Variants in MARCHF1 observed in about 807,000 individuals in gnomAD.
MARCHF1 encodes membrane associated ring-CH-type finger 1, also known as E3 ubiquitin-protein ligase MARCHF1.
A neutral mutation model predicts 54.2 loss-of-function variants in MARCHF1; 40 were observed. The observed-to-expected ratio is 0.74, with a 90% CI of 0.57 to 0.96. The LOEUF is 0.96. Among genes scored for constraint, MARCHF1 ranks in the 40% least tolerant of loss-of-function variants. MARCHF1 has a pLI of 0.00. For synonymous variants in MARCHF1, 236 were observed against 236.3 expected, an observed-to-expected ratio of 1.00 and a Z score of 0.01; for missense variants, 586 against 656.5, an observed-to-expected ratio of 0.89 and a Z score of 1.17.
intron 8 of MARCHF1, among the ~76,000 whole-genome samples, chr4:163,573,469 C>A (rs866087196): frequency 1.5e-4 from 17 of 113,524 alleles, no homozygotes; most frequent in South Asian, 7.7e-4. Flanking sequence ...CCCCTCCCCC[C>A]ACCCCACAAC....
At chr4:163,544,688 T>G (rs554318938) in intron 9 of MARCHF1, among the ~76,000 whole-genome samples, 2 of 145,736 alleles carry the variant, frequency 1.4e-5, no homozygotes, top group Non-Finnish European at 3.0e-5. Flanking sequence ...TCCTCCTTAT[T>G]TATATTTTTC....
intron 3 of MARCHF1, among the ~76,000 whole-genome samples, chr4:163,927,778 T>C (rs570376099): frequency 3.6e-4 from 54 of 151,934 alleles, no homozygotes; most frequent in South Asian, 2.5e-3. Flanking sequence ...ATCCATTTTA[T>C]ACAAATTCTA....
intron 3 of MARCHF1, among the ~76,000 whole-genome samples, chr4:163,963,333 G>C (rs931898046): frequency 6.6e-6 from 1 of 151,764 alleles, no homozygotes; most frequent in South Asian, 2.1e-4. Flanking sequence ...ATTCTTGTTG[G>C]TTTTTCTTTC....
intron 1 of MARCHF1, chr4:164,196,942 C>A (rs1864598): frequency 0.085 from 135,562 of 1,590,372 alleles, 10,445 homozygotes; most frequent in African/African-American, 0.33. Flanking sequence ...AGTCAAATCA[C>A]AATAGGAATT....
intron 2 of MARCHF1, among the ~76,000 whole-genome samples, chr4:164,074,859 G>C (rs905854112): frequency 3.3e-5 from 5 of 150,710 alleles, no homozygotes; most frequent in African/African-American, 1.2e-4. Context: ...AATTTTATCT[G>C]AATAAATTTC....
intron 2 of MARCHF1, among the ~76,000 whole-genome samples, chr4:164,093,467 C>G (rs899658581): frequency 5.3e-5 from 8 of 152,146 alleles, no homozygotes; most frequent in Non-Finnish European, 1.2e-4. Flanking sequence ...AAAGTAATAA[C>G]TAGATCAATC....
intron 3 of MARCHF1, among the ~76,000 whole-genome samples, chr4:163,967,683 T>A (rs139536877): frequency 1.3e-5 from 2 of 152,270 alleles, no homozygotes; most frequent in African/African-American, 4.8e-5. Context: ...CACCCATCTA[T>A]CTATATCGAT....
At position 163,917,526 on chromosome 4, in the gene MARCHF1, T is replaced by C. The variant is rs552876396; in HGVS notation, c.-38-63357A>G. On this transcript the variant is annotated intron_variant, in intron 3 of 9. Transcript: ENST00000514618. Reference sequence around the variant, plus strand: ...CCTTAATCACATAAAATGTTGAGAATCTTTCCATATGTTTATTTGCCATCT... The same window carrying C: ...CCTTAATCACATAAAATGTTGAGAACCTTTCCATATGTTTATTTGCCATCT... Among the ~76,000 whole-genome samples, 4 of 152,314 alleles carry C rather than the reference T, an allele frequency of 2.6e-5. No homozygotes were observed. The South Asian group carries it at 8.3e-4, about 32-fold the overall frequency.
intron 1 of MARCHF1, chr4:164,190,209 A>G: frequency 2.0e-6 from 3 of 1,527,334 alleles, no homozygotes; most frequent in Non-Finnish European, 2.7e-6. Flanking sequence ...AGCTGCTGAC[A>G]TTGAAGACTT....
intron 2 of MARCHF1, among the ~76,000 whole-genome samples, chr4:164,022,721 C>G (rs1433009728): frequency 2.6e-5 from 4 of 152,186 alleles, no homozygotes; most frequent in Non-Finnish European, 2.9e-5. Context: ...CCCAAGGTTC[C>G]CCATCTCCGT....
intron 4 of MARCHF1, among the ~76,000 whole-genome samples, chr4:163,786,453 A>G (rs1207592905): frequency 6.6e-6 from 1 of 152,018 alleles, no homozygotes; most frequent in Non-Finnish European, 1.5e-5. Context: ...ATGTAGAATA[A>G]TAAATAATGA....
intron 5 of MARCHF1, among the ~76,000 whole-genome samples, chr4:163,666,608 A>G (rs1361342003): frequency 6.6e-6 from 1 of 152,144 alleles, no homozygotes; most frequent in Non-Finnish European, 1.5e-5. Context: ...TTTACTCTCA[A>G]TGAATGGATA....
intron 1 of MARCHF1, among the ~76,000 whole-genome samples, chr4:164,178,892 C>T (rs1054273145): frequency 6.6e-6 from 1 of 152,156 alleles, no homozygotes; most frequent in East Asian, 1.9e-4. Context: ...AAGTCTTTCT[C>T]CTATGAGTTG....
intron 1 of MARCHF1, among the ~76,000 whole-genome samples, chr4:164,231,905 T>G (rs1732423733): frequency 6.6e-6 from 1 of 152,108 alleles, no homozygotes; most frequent in African/African-American, 2.4e-5. Flanking sequence ...CTATATGCTT[T>G]GACACTATAA....
intron 2 of MARCHF1, among the ~76,000 whole-genome samples, chr4:164,101,208 G>A (rs915431128): frequency 6.6e-6 from 1 of 152,186 alleles, no homozygotes. Context: ...CATTGCCCAG[G>A]CTTGATTAGG....
At chr4:164,242,007 C>G (rs531725467) in intron 1 of MARCHF1, among the ~76,000 whole-genome samples, 2 of 152,196 alleles carry the variant, frequency 1.3e-5, no homozygotes, top group African/African-American at 2.4e-5. Context: ...ATTGCTAGCA[C>G]GGCAGTCTGA....
intron 2 of MARCHF1, among the ~76,000 whole-genome samples, chr4:164,080,794 T>C (rs1755079709): frequency 6.6e-6 from 1 of 152,080 alleles, no homozygotes; most frequent in Non-Finnish European, 1.5e-5. Flanking sequence ...CAGATGATTA[T>C]ATATAAAATT....
At chr4:164,160,825 T>C (rs1730212909) in intron 1 of MARCHF1, among the ~76,000 whole-genome samples, 1 of 152,016 alleles carries the variant, frequency 6.6e-6, no homozygotes, top group African/African-American at 2.4e-5. Flanking sequence ...ATTTTAAAGA[T>C]CAGAAAGTGT....
intron 1 of MARCHF1, among the ~76,000 whole-genome samples, chr4:164,364,703 T>TA (rs1158837793): frequency 6.6e-6 from 1 of 151,694 alleles, no homozygotes; most frequent in East Asian, 1.9e-4. Flanking sequence ...TTTTTTTTTT[T>TA]AAATAAAAAG....
Sources: allele counts gnomAD v4.1 joint callset (sites outside exome capture counted in the v4.1 genomes callset), GRCh38; gene constraint gnomAD v4.1.1; transcripts MANE v1.5; gene names NCBI Gene and HGNC (gene_info 2026-07-23, HGNC 2026-07-21).